The following IFNLR1 variants were observed in gnomAD, a reference collection of about 807,000 sequenced individuals.
IFNLR1 encodes the protein CRF2-12.
In IFNLR1, 28 loss-of-function variants were observed where a neutral mutation model predicts 52.5. That is an observed-to-expected ratio of 0.53 (90% CI 0.40 to 0.73). The LOEUF (loss-of-function observed/expected upper bound fraction) is 0.73. IFNLR1 is among the 30% of genes least tolerant of loss of function. The pLI is 0.00. For synonymous variants in IFNLR1, 276 were observed against 274.9 expected (o/e 1.00, Z -0.04); for missense variants, 623 against 659.1 (o/e 0.95, Z 0.60).
chr1:24,166,666 C>T (rs571757903), intron 3 of IFNLR1, among the ~76,000 whole-genome samples: 2 of 152,248 alleles, frequency 1.3e-5, no homozygotes, highest in African/African-American at 4.8e-5. Context: ...CCTACCTTGG[C>T]CTCCCAGATA....
chr1:24,177,740 G>A (rs55865624), intron 2 of IFNLR1, among the ~76,000 whole-genome samples: 14,778 of 152,138 alleles, frequency 0.097, 1,988 homozygotes, highest in African/African-American at 0.3. Flanking sequence ...ACCTAATATT[G>A]ACCATCACAA....
chr1:24,163,104 G>A (rs1407800199), intron 3 of IFNLR1, among the ~76,000 whole-genome samples: 1 of 150,928 alleles, frequency 6.6e-6, no homozygotes, highest in East Asian at 2.0e-4. Context: ...GGGATTACAG[G>A]CGCCCGCCAC....
rs1557640001 is a variant in IFNLR1 at position 24,157,393 on chromosome 1, A to G, written c.1300T>C (p.Ser434Pro). ...TCTGGGAGCTCTTCCAGGAAACCCG[A>G]GTCCTTGGAGAATTCAGGTGGTGGG... Reference protein sequence around the residue: ...SLPPPEFSKDSGFLEELPEDN... With the variant: ...SLPPPEFSKDPGFLEELPEDN... The change falls in exon 7 of 7, where the codon TCG becomes CCG. Residue 434 changes from serine to proline, a missense_variant. Coordinates refer to ENST00000327535, the MANE Select transcript of IFNLR1 (RefSeq NM_170743.4). The surrounding 1 kb of genome is among the most constrained non-coding windows in gnomAD (Gnocchi z 5.1). 1 of 1,614,018 alleles carries G rather than the reference A, an allele frequency of 6.2e-7. No individual in the cohort carries two copies. The highest frequency in any genetic ancestry group is 1.1e-5 in the South Asian group (1 of 91,080).
chr1:24,162,811 CTTTTTTTCTTCTTTCTTTCT>C (rs879883558), intron 3 of IFNLR1, among the ~76,000 whole-genome samples: 1,150 of 85,118 alleles, frequency 0.014, 75 homozygotes, highest in Admixed American at 0.02. Context: ...TTTTTTCTTT[CTTTTTTTCTTCTTTCTTTCT>C]TTTCTTTCTT....
intron 1 of IFNLR1, among the ~76,000 whole-genome samples, chr1:24,183,162 A>G (rs1644708337): frequency 6.6e-6 from 1 of 152,184 alleles, no homozygotes. Flanking sequence ...CATGAGCCCA[A>G]ATGTAAGATG....
intron 1 of IFNLR1, 68 bp downstream of exon 1, chr1:24,187,123 C>A (rs78312791): frequency 0.12 from 129,771 of 1,097,272 alleles, 8,661 homozygotes; most frequent in East Asian, 0.21. Context: ...AGCTCCGGGT[C>A]CGAGGGTAGG....
chr1:24,170,607 G>A (rs964837570), intron 2 of IFNLR1, among the ~76,000 whole-genome samples: 2 of 152,132 alleles, frequency 1.3e-5, no homozygotes, highest in Admixed American at 6.5e-5. Flanking sequence ...TGACCCACCC[G>A]CTTGGCCTCC....
intron 3 of IFNLR1, among the ~76,000 whole-genome samples, chr1:24,164,568 G>T (rs10903038): frequency 0.63 from 95,184 of 151,968 alleles, 30,684 homozygotes; most frequent in Non-Finnish European, 0.7. Flanking sequence ...CTCCAGCTGA[G>T]ATGGCTGAGG....
chr1:24,177,200 A>T (rs1391996932), intron 2 of IFNLR1, among the ~76,000 whole-genome samples: 1 of 152,182 alleles, frequency 6.6e-6, no homozygotes, highest in Non-Finnish European at 1.5e-5. Context: ...AACAGAACTA[A>T]TAGGTTATAC....
At chr1:24,174,924 C>G in intron 2 of IFNLR1, among the ~76,000 whole-genome samples, 1 of 151,534 alleles carries the variant, frequency 6.6e-6, no homozygotes, top group Middle Eastern at 3.4e-3. Context: ...GTGGCTAGAA[C>G]AACCTTTTGA....
At chr1:24,167,021 C>T (rs1353874177) in intron 3 of IFNLR1, among the ~76,000 whole-genome samples, 1 of 152,222 alleles carries the variant, frequency 6.6e-6, no homozygotes, top group African/African-American at 2.4e-5. Context: ...GATCTGTCCT[C>T]ACCAGTGTGG....
chr1:24,168,441 C>T (rs1644541050), intron 3 of IFNLR1, among the ~76,000 whole-genome samples: 1 of 149,338 alleles, frequency 6.7e-6, no homozygotes, highest in Non-Finnish European at 1.5e-5. Context: ...TGCCCGAGGT[C>T]AGAAAGATCC....
rs961736490 is a variant in IFNLR1, at chr1:24,155,950, T to C, written c.*1180A>G. On this transcript the variant is annotated 3_prime_UTR_variant, in exon 7 of 7. Transcript: ENST00000327535. ...CTAGAAGGCATTGGTTTCTCATAAC[T>C]GGAAGGGAGAATGGGACTTCTAAGG... 2.6e-5 allele frequency: 4 copies of C among 152,160 alleles called. No homozygotes were observed. Among genetic ancestry groups the C allele is most frequent in the Admixed American group, 6.5e-5 (1 of 15,278 alleles). The allele number at this position is 152,160 out of a possible 1,614,324, so 9.4% of individuals were successfully genotyped here. A position where few individuals can be genotyped will look rare whatever the true frequency, so the allele number is the denominator to read the frequency against.
At chr1:24,171,776 C>A (rs1056032230) in intron 2 of IFNLR1, among the ~76,000 whole-genome samples, 8 of 152,174 alleles carry the variant, frequency 5.3e-5, no homozygotes, top group Non-Finnish European at 7.3e-5. Flanking sequence ...CCTGCCTCAG[C>A]CTCCCAAGTA....
chr1:24,164,718 T>C (rs1644500353), intron 3 of IFNLR1, among the ~76,000 whole-genome samples: 1 of 152,096 alleles, frequency 6.6e-6, no homozygotes. Context: ...TATAATCACA[T>C]ACTTGGCTGT....
chr1:24,181,893 C>T (rs1644694332), intron 1 of IFNLR1, among the ~76,000 whole-genome samples: 1 of 152,090 alleles, frequency 6.6e-6, no homozygotes, highest in Non-Finnish European at 1.5e-5. Flanking sequence ...ATTAGGCTGT[C>T]CGCCAGGTAA....
chr1:24,179,821 C>T lies in IFNLR1; in HGVS notation c.182+910G>A, dbSNP rs566105112. Among the ~76,000 whole-genome samples, 11 of 152,334 alleles carry T rather than the reference C, an allele frequency of 7.2e-5. No individual in the cohort carries two copies. In the South Asian group the frequency reaches 2.3e-3, roughly 32 times the overall value. On this transcript the variant is annotated intron_variant, in intron 2 of 6. Coordinates refer to ENST00000327535, the MANE Select transcript of IFNLR1 (RefSeq NM_170743.4). ...TCCCCTCCTCTTCCTGCTTTCCCCTCCTCACCAACTCCAGGTGAATCCTCC... is the reference window on the plus strand; with the variant it reads ...TCCCCTCCTCTTCCTGCTTTCCCCTTCTCACCAACTCCAGGTGAATCCTCC...
At position 24,169,560 on chromosome 1, in the gene IFNLR1, G is replaced by A. The variant is rs115773768; in HGVS notation, c.224C>T (p.Ala75Val). The part of the protein sequence containing the change: ...RRRWREVEEC[A>V]GTKELLCSMM... ...AGAACATAGCAGCTCCTTGGTTCCC[G>A]CACACTCTTCCACTTCGCGCCACCG... The change falls in exon 3 of 7, where the codon GCG (alanine) becomes GTG (valine). Residue 75 changes from alanine (A) to valine (V), a missense_variant. Coordinates refer to ENST00000327535, the MANE Select transcript of IFNLR1 (RefSeq NM_170743.4). 9.0e-4 allele frequency: 1,451 copies of A among 1,614,070 alleles called. 7 individuals are homozygous for A. In the African/African-American group the frequency reaches 0.017, roughly 19 times the overall value.
At chr1:24,165,524 T>C (rs1344759958) in intron 3 of IFNLR1, among the ~76,000 whole-genome samples, 2 of 152,210 alleles carry the variant, frequency 1.3e-5, no homozygotes, top group East Asian at 3.8e-4. Context: ...CGATAGTCTG[T>C]TGAGGGCCTT....
Sources: gnomAD v4.1 joint callset for allele counts (sites outside exome capture counted in the v4.1 genomes callset) on GRCh38, gnomAD v4.1.1 for gene constraint, Gnocchi (gnomAD v3.1) non-coding constraint, MANE v1.5 for transcripts, NCBI Gene and HGNC (gene_info 2026-07-23, HGNC 2026-07-21) for gene names.